Variants in QTGAL observed in about 807,000 individuals in gnomAD.
QTGAL encodes queuosine-tRNA galactosyltransferase.
the QTGAL span, among the ~76,000 whole-genome samples, chr17:83,004,772 G>A: frequency 3.6e-4 from 53 of 148,522 alleles, 1 homozygote; most frequent in East Asian, 9.4e-3. Flanking sequence ...CGCAGTCCGC[G>A]TGTGGGATTC....
At chr17:83,005,020 G>A in the QTGAL span, 115 of 1,035,572 alleles carry the variant, frequency 1.1e-4, no homozygotes, top group Middle Eastern at 6.5e-4. The surrounding 1 kb of genome is among the most constrained non-coding windows in gnomAD (Gnocchi z 5.6). Context: ...CACGGCCCAC[G>A]ACGACGCAGA....
At chr17:82,999,950 G>T in the QTGAL span, among the ~76,000 whole-genome samples, 2 of 151,846 alleles carry the variant, frequency 1.3e-5, no homozygotes, top group African/African-American at 4.8e-5. Context: ...GGTTTTTTTT[G>T]TTGTTGTTTT....
At chr17:83,013,776 T>C in the QTGAL span, among the ~76,000 whole-genome samples, 7 of 152,176 alleles carry the variant, frequency 4.6e-5, no homozygotes, top group Non-Finnish European at 8.8e-5. Flanking sequence ...CTGTGGGCGC[T>C]GGACAGTTAT....
At chr17:82,999,504 AACC>A in the QTGAL span, among the ~76,000 whole-genome samples, 2 of 152,248 alleles carry the variant, frequency 1.3e-5, no homozygotes, top group African/African-American at 4.8e-5. Context: ...CCGAAAATTT[AACC>A]ACTAATGCCT....
At chr17:82,973,737 G>A in the QTGAL span, among the ~76,000 whole-genome samples, 1 of 152,160 alleles carries the variant, frequency 6.6e-6, no homozygotes, top group Non-Finnish European at 1.5e-5. Context: ...TCAAACGAGC[G>A]GGCACAGAGC....
chr17:82,994,036 A>C, the QTGAL span, among the ~76,000 whole-genome samples: 3 of 152,162 alleles, frequency 2.0e-5, no homozygotes, highest in Non-Finnish European at 4.4e-5. Flanking sequence ...TTAAATAGTT[A>C]TAAGTGTCTA....
At chr17:83,036,867 G>C in the QTGAL span, among the ~76,000 whole-genome samples, 40 of 152,118 alleles carry the variant, frequency 2.6e-4, no homozygotes, top group Admixed American at 7.9e-4. Context: ...TGCCAGCAGG[G>C]GTAGCCAAGG....
the QTGAL span, among the ~76,000 whole-genome samples, chr17:82,993,965 A>G: frequency 6.6e-6 from 1 of 152,192 alleles, no homozygotes; most frequent in African/African-American, 2.4e-5. Flanking sequence ...ACAAATGATA[A>G]TGGAAACACA....
the QTGAL span, among the ~76,000 whole-genome samples, chr17:82,974,170 TC>T: frequency 5.3e-5 from 8 of 152,148 alleles, no homozygotes; most frequent in Non-Finnish European, 1.0e-4. Context: ...TGGCAGAAGG[TC>T]CCACTTCCAC....
At chr17:82,960,281 C>G in the QTGAL span, 1 of 152,284 alleles carries the variant, frequency 6.6e-6, no homozygotes, top group Non-Finnish European at 1.5e-5. Context: ...CCCATCACGG[C>G]AGGCCTGGGA....
At chr17:82,960,748 C>T in the QTGAL span, among the ~76,000 whole-genome samples, 101 of 152,348 alleles carry the variant, frequency 6.6e-4, no homozygotes, top group Middle Eastern at 6.8e-3. Flanking sequence ...AGACTCCCGT[C>T]GGGTTAAAGG....
chr17:83,045,997 T>C, the QTGAL span, among the ~76,000 whole-genome samples: 1 of 152,052 alleles, frequency 6.6e-6, no homozygotes, highest in Non-Finnish European at 1.5e-5. Context: ...CTAATTTTTG[T>C]ATTTTTAGTA....
the QTGAL span, among the ~76,000 whole-genome samples, chr17:83,016,603 CTGA>C: frequency 2.0e-5 from 2 of 102,214 alleles, no homozygotes; most frequent in Non-Finnish European, 3.9e-5. Context: ...GGGGAGAGGA[CTGA>C]AGAGGAGGGG....
chr17:83,009,965 A>G, the QTGAL span, among the ~76,000 whole-genome samples: 11 of 107,878 alleles, frequency 1.0e-4, no homozygotes, highest in East Asian at 3.0e-4. Context: ...GGGGGAGGGG[A>G]GCTGTGGGGG....
chr17:82,991,843 T>TA, the QTGAL span, among the ~76,000 whole-genome samples: 1 of 152,060 alleles, frequency 6.6e-6, no homozygotes. Flanking sequence ...GAATTCTATT[T>TA]AAAAAAATTA....
the QTGAL span, among the ~76,000 whole-genome samples, chr17:82,975,836 A>T: frequency 2.6e-5 from 1 of 37,830 alleles, no homozygotes. Context: ...TTATGGGGAA[A>T]CAGGGCCCCA....
chr17:82,974,541 CAGG>C, the QTGAL span, among the ~76,000 whole-genome samples: 1 of 152,204 alleles, frequency 6.6e-6, no homozygotes, highest in African/African-American at 2.4e-5. Flanking sequence ...AGGAGTGAGG[CAGG>C]AGGCTGCCAG....
the QTGAL span, among the ~76,000 whole-genome samples, chr17:82,964,027 T>TAGG: frequency 2.1e-5 from 3 of 144,840 alleles, no homozygotes; most frequent in African/African-American, 5.3e-5. Context: ...AAGGCTGAGG[T>TAGG]CGGGGGGGTG....
the QTGAL span, among the ~76,000 whole-genome samples, chr17:83,018,790 C>T: frequency 3.3e-5 from 5 of 152,226 alleles, no homozygotes; most frequent in Non-Finnish European, 7.3e-5. Context: ...CTTTGGAGGT[C>T]CAGTTACGGC....
Sources: allele counts gnomAD v4.1 joint callset (sites outside exome capture counted in the v4.1 genomes callset), GRCh38; gene constraint gnomAD v4.1.1; non-coding constraint Gnocchi (gnomAD v3.1); transcripts MANE v1.5; gene names NCBI Gene and HGNC (gene_info 2026-07-23, HGNC 2026-07-21).